Variants in METTL9 observed in about 807,000 individuals in gnomAD.
METTL9 encodes the protein methyltransferase 9, His-X-His N1(pi)-histidine, also known as protein-L-histidine N-pros-methyltransferase.
Under a neutral mutation model 36.0 loss-of-function variants are expected in METTL9, and 10 were observed. The ratio of observed to expected loss-of-function variants is 0.28; its 90% CI spans 0.17 to 0.47. The LOEUF (loss-of-function observed/expected upper bound fraction) is 0.47. METTL9 is among the 20% of genes least tolerant of loss of function. The pLI is 0.99. For missense variants in METTL9, 246 were observed against 383.5 expected (o/e 0.64, Z 3.00); for synonymous variants, 175 against 149.7 (o/e 1.17, Z -1.23).
intron 4 of METTL9, among the ~76,000 whole-genome samples, chr16:21,630,003 C>T (rs908698388): frequency 3.3e-5 from 5 of 152,082 alleles, no homozygotes; most frequent in African/African-American, 4.8e-5. Flanking sequence ...CTGACTGGTG[C>T]GTTTACAAAC....
At position 21,655,493 on chromosome 16, in the gene METTL9, T is replaced by C; in HGVS notation, c.*61T>C. ...TCCGGGATGTGCCCTTGGAAGAGGG[T>C]CTGTGTTCACAATTACGTGAAGGGA... On this transcript the variant is annotated 3_prime_UTR_variant, in exon 5 of 5. Coordinates refer to ENST00000358154, the MANE Select transcript of METTL9 (RefSeq NM_016025.5). The C allele has an allele frequency of 7.0e-7, 1 of 1,435,952 alleles. No homozygotes were observed. The highest frequency in any genetic ancestry group is 9.6e-7 in the Non-Finnish European group (1 of 1,041,166). The allele number at this position is 1,435,952 out of a possible 1,614,324, so 89.0% of individuals were successfully genotyped here. A position where few individuals can be genotyped will look rare whatever the true frequency, so the allele number is the denominator to read the frequency against.
chr16:21,635,306 C>T (rs1039926938), intron 4 of METTL9, among the ~76,000 whole-genome samples: 2 of 152,058 alleles, frequency 1.3e-5, no homozygotes, highest in African/African-American at 4.8e-5. Flanking sequence ...AACCGATAGC[C>T]TGGGGAGGTT....
At chr16:21,638,729 G>A (rs971531098) in intron 4 of METTL9, among the ~76,000 whole-genome samples, 2 of 152,144 alleles carry the variant, frequency 1.3e-5, no homozygotes, top group African/African-American at 4.8e-5. Context: ...GTTTCATGTT[G>A]AGGTGAGCTG....
At chr16:21,601,658 G>C (rs1346549956) in intron 1 of METTL9, among the ~76,000 whole-genome samples, 1 of 151,996 alleles carries the variant, frequency 6.6e-6, no homozygotes, top group Non-Finnish European at 1.5e-5. Context: ...TTTAAAAGCT[G>C]AATCTGTTAA....
At chr16:21,634,079 A>G (rs1966027001) in intron 4 of METTL9, among the ~76,000 whole-genome samples, 1 of 152,178 alleles carries the variant, frequency 6.6e-6, no homozygotes, top group African/African-American at 2.4e-5. Flanking sequence ...AAGTGAAAAG[A>G]GCAAAGTTTC....
At chr16:21,652,554 G>C in intron 4 of METTL9, 1 of 1,611,920 alleles carries the variant, frequency 6.2e-7, no homozygotes, top group Non-Finnish European at 8.5e-7. Context: ...GAATGAGATT[G>C]GTTTGCAGAT....
chr16:21,638,076 G>T (rs552998364), intron 4 of METTL9, among the ~76,000 whole-genome samples: 10 of 152,312 alleles, frequency 6.6e-5, no homozygotes, highest in Admixed American at 3.3e-4. Flanking sequence ...CTAGCATTTT[G>T]GGAGGCCAAG....
At chr16:21,654,938 T>G (rs1966669229) in intron 4 of METTL9, 1 of 411,482 alleles carries the variant, frequency 2.4e-6, no homozygotes, top group East Asian at 4.5e-5. Context: ...CCCAAAACTG[T>G]CAGAGAAGAT....
chr16:21,645,214 A>G (rs1966391426), intron 4 of METTL9, among the ~76,000 whole-genome samples: 1 of 152,194 alleles, frequency 6.6e-6, no homozygotes, highest in African/African-American at 2.4e-5. Flanking sequence ...GCACTTTGAG[A>G]GGCCGAGGTG....
intron 4 of METTL9, chr16:21,640,625 G>A (rs1048464961): frequency 2.0e-5 from 3 of 150,310 alleles, no homozygotes; most frequent in South Asian, 2.1e-4. Context: ...AAATTAGCCG[G>A]GCGTGGTGGT....
chr16:21,597,465 G>A (rs1964973347), upstream of METTL9, among the ~76,000 whole-genome samples: 11 of 152,292 alleles, frequency 7.2e-5, no homozygotes, highest in South Asian at 1.4e-3. Flanking sequence ...TAGGCCAGCT[G>A]CTCAGATATA....
intron 1 of METTL9, among the ~76,000 whole-genome samples, chr16:21,608,013 G>A (rs1008048516): frequency 1.3e-5 from 2 of 152,172 alleles, no homozygotes; most frequent in Non-Finnish European, 2.9e-5. Flanking sequence ...GCCAGGCGGG[G>A]TGGTAGGTGC....
intron 4 of METTL9, among the ~76,000 whole-genome samples, chr16:21,635,956 T>C (rs1452269339): frequency 6.6e-6 from 1 of 152,182 alleles, no homozygotes; most frequent in Non-Finnish European, 1.5e-5. Context: ...CTCGAAAACC[T>C]GCACCCTTGC....
At chr16:21,647,482 G>A (rs766260469) in intron 4 of METTL9, 40 of 1,610,230 alleles carry the variant, frequency 2.5e-5, no homozygotes, top group Admixed American at 3.3e-5. Flanking sequence ...GAGTACAGGC[G>A]CCCACAGCAC....
At chr16:21,611,360 A>C (rs1327007151) in intron 1 of METTL9, among the ~76,000 whole-genome samples, 2 of 152,184 alleles carry the variant, frequency 1.3e-5, no homozygotes, top group Non-Finnish European at 2.9e-5. Flanking sequence ...GATGACTGTA[A>C]AGCTGGTCTA....
chr16:21,617,868 G>T lies in METTL9; in HGVS notation c.360G>T (p.Leu120Phe). ...LFMSRTSINGLLGRGSMFVFS... is the reference protein window; with the variant it reads ...LFMSRTSINGFLGRGSMFVFS... Reference sequence around the variant, plus strand: ...TTTTGTCCTTTTTTTCTTTCAGGTTGCTAGGAAGAGGCTCAATGTTTGTGT... The same window carrying T: ...TTTTGTCCTTTTTTTCTTTCAGGTTTCTAGGAAGAGGCTCAATGTTTGTGT... The change falls in exon 3 of 5, where the codon TTG becomes TTT. Residue 120 changes from leucine to phenylalanine, a missense_variant. Leu to Phe is a conservative substitution (Grantham distance 22, BLOSUM62 0). Coordinates refer to ENST00000358154, the MANE Select transcript of METTL9 (RefSeq NM_016025.5). 1 of 1,613,692 alleles carries T rather than the reference G, an allele frequency of 6.2e-7. No individual in the cohort carries two copies. Among genetic ancestry groups the T allele is most frequent in the Non-Finnish European group, 8.5e-7 (1 of 1,179,826 alleles).
chr16:21,599,939 C>T lies in METTL9; in HGVS notation c.165+41C>T. Reference sequence around the variant, plus strand: ...GGGGCCGGGGCGGGGGCGTGGCGGCCCGGCCTTCCCGCGCTGGGCCCGGCT... The same window carrying T: ...GGGGCCGGGGCGGGGGCGTGGCGGCTCGGCCTTCCCGCGCTGGGCCCGGCT... On this transcript the variant is annotated intron_variant, in intron 1 of 4. Transcript: ENST00000358154. This position sits in a 1 kb window ranked among gnomAD's most constrained non-coding sequence, Gnocchi z 4.4. The T allele has an allele frequency of 7.8e-7, 1 of 1,285,508 alleles. No homozygotes were observed. The highest frequency in any genetic ancestry group is 9.8e-7 in the Non-Finnish European group (1 of 1,021,256). 79.6% of individuals were successfully genotyped at this position (1,285,508 alleles called of 1,614,324 possible). A position where few individuals can be genotyped will look rare whatever the true frequency, so the allele number is the denominator to read the frequency against.
At chr16:21,647,938 C>T (rs1370118483) in intron 4 of METTL9, among the ~76,000 whole-genome samples, 1 of 152,206 alleles carries the variant, frequency 6.6e-6, no homozygotes, top group Non-Finnish European at 1.5e-5. Context: ...ACGAACGTTG[C>T]TGCCGCTGAT....
intron 3 of METTL9, among the ~76,000 whole-genome samples, chr16:21,624,597 A>G (rs1408620154): frequency 1.3e-5 from 2 of 152,000 alleles, no homozygotes; most frequent in African/African-American, 2.4e-5. Flanking sequence ...CATGGTGGCA[A>G]CTGCCTGTAA....
Sources: allele counts gnomAD v4.1 joint callset (sites outside exome capture counted in the v4.1 genomes callset), GRCh38; gene constraint gnomAD v4.1.1; non-coding constraint Gnocchi (gnomAD v3.1); transcripts MANE v1.5; gene names NCBI Gene and HGNC (gene_info 2026-07-23, HGNC 2026-07-21).